GNA15: variants seen among roughly 807,000 people sequenced by gnomAD.
GNA15 encodes the protein guanine nucleotide-binding protein subunit alpha-15.
In GNA15, 23 loss-of-function variants were observed where a neutral mutation model predicts 40.1. The ratio of observed to expected loss-of-function variants is 0.57; its 90% CI spans 0.41 to 0.81. GNA15 has a LOEUF of 0.81. Among genes scored for constraint, GNA15 ranks in the 40% least tolerant of loss-of-function variants. The probability of loss-of-function intolerance (pLI) is 0.00; values close to 1 mark genes in which losing one functional copy is unlikely to be tolerated. For missense variants in GNA15, 522 were observed against 515.8 expected, an observed-to-expected ratio of 1.01 and a Z score of -0.12; for synonymous variants, 226 against 210.4, an observed-to-expected ratio of 1.07 and a Z score of -0.64.
intron 1 of GNA15, among the ~76,000 whole-genome samples, chr19:3,141,141 T>C (rs1005314625): frequency 8.6e-5 from 13 of 151,810 alleles, no homozygotes; most frequent in African/African-American, 3.1e-4. Context: ...AACCCTCATA[T>C]TGGGGAAGGG....
chr19:3,162,860 G>A lies in GNA15; in HGVS notation c.966G>A (p.Gly322=), dbSNP rs1258510392. ...ACATGTACACGAGGATGTACACCGG[G>A]TGCGTGGACGGCCCCGAGGGCAGCA... ...ILDMYTRMYT[G]CVDGPEGSKK... The change falls in exon 7 of 7, where the codon GGG becomes GGA. Residue 322 remains glycine (G), a synonymous_variant. Transcript: ENST00000262958. The A allele has an allele frequency of 1.2e-6, 2 of 1,614,118 alleles. No individual in the cohort carries two copies. The highest frequency in any genetic ancestry group is 2.2e-5 in the East Asian group (1 of 44,886).
chr19:3,161,386 G>T (rs1422926714), intron 6 of GNA15, among the ~76,000 whole-genome samples: 2 of 152,202 alleles, frequency 1.3e-5, no homozygotes, highest in African/African-American at 4.8e-5. Flanking sequence ...TAGTAGATGA[G>T]TCCTTAGTAC....
Position 3,155,850 on chromosome 19 carries a change from A to G in GNA15, c.642A>G (p.Ser214=), listed in dbSNP as rs1599328852. The G allele has an allele frequency of 1.2e-6, 2 of 1,613,918 alleles. No individual in the cohort carries two copies. The highest frequency in any genetic ancestry group is 1.7e-6 in the Non-Finnish European group (2 of 1,179,990). The change falls in exon 5 of 7, where the codon TCA becomes TCG. Residue 214 remains serine (S), a synonymous_variant. Transcript: ENST00000262958. This position sits in a 1 kb window ranked among gnomAD's most constrained non-coding sequence, Gnocchi z 5.6. ...TCGTGGACGTCGGGGGCCAGAAGTC[A>G]GAGCGTAAGAAATGGATCCATTGTT... ...LRIVDVGGQK[S]ERKKWIHCFE... is the part of the protein sequence containing the mutation.
In GNA15 at chr19:3,138,797, A is replaced by ATTT. The variant is rs143429911; in HGVS notation, c.145+2214_145+2216dup. Among the ~76,000 whole-genome samples the ATTT allele has an allele frequency of 4.4e-3, 619 of 140,974 alleles. 1 individual carries two copies. The highest frequency in any genetic ancestry group is 0.01 in the African/African-American group (387 of 37,102). The allele number at this position is 140,974 out of a possible 152,430, so 92.5% of individuals were successfully genotyped here. ...AGGCACGCGCCACCACGCCCAGTTA[A>ATTT]TTTTTTTTTTTTTTGTATTTTTAGT... On this transcript the variant is annotated intron_variant, in intron 1 of 6. Coordinates refer to ENST00000262958, the MANE Select transcript of GNA15 (RefSeq NM_002068.4).
intron 4 of GNA15, among the ~76,000 whole-genome samples, chr19:3,152,888 G>A (rs1001093724): frequency 6.6e-6 from 1 of 152,148 alleles, no homozygotes; most frequent in African/African-American, 2.4e-5. Flanking sequence ...TCTACAAGAT[G>A]GAGAGCCTCA....
At chr19:3,138,323 G>A (rs1352039702) in intron 1 of GNA15, among the ~76,000 whole-genome samples, 4 of 151,130 alleles carry the variant, frequency 2.6e-5, no homozygotes, top group African/African-American at 9.7e-5. Context: ...CCCGTAGCTT[G>A]TTTCCCCAAT....
At chr19:3,154,392 G>C (rs1914957578) in intron 4 of GNA15, among the ~76,000 whole-genome samples, 1 of 146,198 alleles carries the variant, frequency 6.8e-6, no homozygotes, top group African/African-American at 2.5e-5. Context: ...TGAGTGGATG[G>C]GTGGGAGGGT....
At chr19:3,157,365 C>T (rs1915053338) in intron 5 of GNA15, among the ~76,000 whole-genome samples, 1 of 152,190 alleles carries the variant, frequency 6.6e-6, no homozygotes. Context: ...AGTATTGCCT[C>T]ACCTTAACGA....
chr19:3,142,597 G>A (rs191693890), intron 1 of GNA15, among the ~76,000 whole-genome samples: 4 of 152,280 alleles, frequency 2.6e-5, no homozygotes, highest in Admixed American at 1.3e-4. Context: ...CTGGCTGGGC[G>A]CGGTGGCTCA....
intron 1 of GNA15, among the ~76,000 whole-genome samples, chr19:3,139,620 C>T (rs1914530290): frequency 6.8e-6 from 1 of 147,868 alleles, no homozygotes; most frequent in Non-Finnish European, 1.5e-5. Context: ...AAAAAAAATG[C>T]CGGGTGCAGT....
chr19:3,148,732 C>A lies in GNA15; in HGVS notation c.287C>A (p.Ala96Asp). ...GTGTCCATGCGGGCCATGATCGAGG[C>A]CATGGAGCGGCTGCAGATTCCATTC... ...IFVSMRAMIEAMERLQIPFSR... is the reference protein window; with the variant it reads ...IFVSMRAMIEDMERLQIPFSR... The change falls in exon 2 of 7, where the codon GCC (alanine) becomes GAC (aspartate). Residue 96 changes from alanine to aspartate, a missense_variant. Coordinates refer to ENST00000262958, the MANE Select transcript of GNA15 (RefSeq NM_002068.4). The A allele has an allele frequency of 6.2e-7, 1 of 1,603,816 alleles. No individual in the cohort carries two copies. Among genetic ancestry groups the A allele is most frequent in the Non-Finnish European group, 8.5e-7 (1 of 1,175,674 alleles).
At chr19:3,154,574 T>A (rs1372535241) in intron 4 of GNA15, among the ~76,000 whole-genome samples, 1 of 144,852 alleles carries the variant, frequency 6.9e-6, no homozygotes, top group East Asian at 2.1e-4. Flanking sequence ...GGTGGATGGA[T>A]GATGGATGGA....
At chr19:3,152,430 G>A (rs572204537) in intron 4 of GNA15, among the ~76,000 whole-genome samples, 76 of 152,210 alleles carry the variant, frequency 5.0e-4, no homozygotes, top group Non-Finnish European at 9.9e-4. Context: ...AGGTGATGGG[G>A]GTAGACAGTG....
Position 3,162,976 on chromosome 19 carries a change from A to G in GNA15, c.1082A>G (p.Asp361Gly). The G allele has an allele frequency of 6.2e-7, 1 of 1,613,350 alleles. No individual in the cohort carries two copies. Among genetic ancestry groups the G allele is most frequent in the Non-Finnish European group, 8.5e-7 (1 of 1,179,704 alleles). ...NIRKVFKDVR[D>G]SVLARYLDEI... ...CGCAAGGTCTTCAAGGACGTGCGGGACTCGGTGCTCGCCCGCTACCTGGAC... is the reference window on the plus strand; with the variant it reads ...CGCAAGGTCTTCAAGGACGTGCGGGGCTCGGTGCTCGCCCGCTACCTGGAC... The change falls in exon 7 of 7, where the codon GAC (aspartate) becomes GGC (glycine). Residue 361 changes from aspartate to glycine, a missense_variant. Asp to Gly is a moderately conservative substitution (Grantham distance 94). Coordinates refer to ENST00000262958, the MANE Select transcript of GNA15 (RefSeq NM_002068.4).
chr19:3,148,997 G>A (rs1036092873), intron 2 of GNA15: 3 of 552,004 alleles, frequency 5.4e-6, no homozygotes, highest in Non-Finnish European at 3.2e-6. Context: ...ATGCACACAC[G>A]CACATGTATG....
At position 3,155,877 on chromosome 19, in the gene GNA15, C is replaced by T. The variant is rs1915001773; in HGVS notation, c.669C>T (p.Phe223=). 2.5e-6 allele frequency: 4 copies of T among 1,613,952 alleles called. No homozygotes were observed. Among genetic ancestry groups the T allele is most frequent in the Non-Finnish European group, 3.4e-6 (4 of 1,179,912 alleles). The part of the protein sequence containing the change: ...KSERKKWIHC[F]ENVIALIYLA... ...AGCGTAAGAAATGGATCCATTGTTTCGAGAACGTGATCGCCCTCATCTACC... is the reference window on the plus strand; with the variant it reads ...AGCGTAAGAAATGGATCCATTGTTTTGAGAACGTGATCGCCCTCATCTACC... Residue 223 remains phenylalanine, a synonymous_variant, in exon 5 of 7, where the codon TTC becomes TTT. Coordinates refer to ENST00000262958, the MANE Select transcript of GNA15 (RefSeq NM_002068.4). The surrounding 1 kb of genome is among the most constrained non-coding windows in gnomAD (Gnocchi z 5.6).
chr19:3,163,378 C>G lies in GNA15; in HGVS notation c.*359C>G, dbSNP rs1358025256. The G allele has an allele frequency of 2.9e-6, 1 of 349,134 alleles. No homozygotes were observed. Among genetic ancestry groups the G allele is most frequent in the Non-Finnish European group, 5.5e-6 (1 of 183,356 alleles). The allele number at this position is 349,134 out of a possible 1,614,324, so 21.6% of individuals were successfully genotyped here. On this transcript the variant is annotated 3_prime_UTR_variant, in exon 7 of 7. Transcript: ENST00000262958. ...GGCGTGTCACCTCCTGGGCAGGGTT[C>G]TGGGACCCTCTGTGGGTGACGCACA...
chr19:3,147,767 G>C (rs1248646932), intron 1 of GNA15, among the ~76,000 whole-genome samples: 1 of 150,022 alleles, frequency 6.7e-6, no homozygotes, highest in Admixed American at 6.7e-5. Flanking sequence ...GGTGCCTGTA[G>C]TCCCAGCTAC....
At chr19:3,156,865 C>G (rs1484801181) in intron 5 of GNA15, among the ~76,000 whole-genome samples, 1 of 152,154 alleles carries the variant, frequency 6.6e-6, no homozygotes, top group Non-Finnish European at 1.5e-5. Flanking sequence ...ACGACCTCAT[C>G]TGGGTTAATT....
Sources: allele counts gnomAD v4.1 joint callset (sites outside exome capture counted in the v4.1 genomes callset), GRCh38; gene constraint gnomAD v4.1.1; non-coding constraint Gnocchi (gnomAD v3.1); transcripts MANE v1.5; gene names NCBI Gene and HGNC (gene_info 2026-07-23, HGNC 2026-07-21).